Variants in USP9X observed in about 807,000 individuals in gnomAD.
USP9X encodes ubiquitin carboxyl-terminal hydrolase 9X.
A neutral mutation model predicts 190.3 loss-of-function variants in USP9X; 7 were observed. The ratio of observed to expected loss-of-function variants is 0.04; its 90% CI spans 0.02 to 0.07. USP9X has a LOEUF of 0.07. USP9X is among the 10% of genes least tolerant of loss of function. The pLI is 1.00. For missense variants in USP9X, 1,010 were observed against 1,916.9 expected (o/e 0.53, Z 8.83); for synonymous variants, 645 against 659.5 (o/e 0.98, Z 0.34).
chrX:41,099,028 C>T (rs765937951), intron 1 of USP9X, among the ~76,000 whole-genome samples: 2 of 106,720 alleles, frequency 1.9e-5, no homozygotes, highest in East Asian at 2.9e-4. Context: ...CAGGCTCTAG[C>T]GATTCCTCCC....
Position 41,169,882 on chromosome X carries a change from C to T in USP9X, c.2637-113C>T, listed in dbSNP as rs1427019028. ...TGTATTAAGTATCTTTAATTCACATCCTCTTGTTTAATAAGAAAATACTTA... is the reference window on the plus strand; with the variant it reads ...TGTATTAAGTATCTTTAATTCACATTCTCTTGTTTAATAAGAAAATACTTA... On this transcript the variant is annotated intron_variant, in intron 18 of 44. Coordinates refer to ENST00000378308, the MANE Select transcript of USP9X (RefSeq NM_001039591.3). 9.1e-5 allele frequency: 86 copies of T among 942,121 alleles called. No individual in the cohort carries two copies. The South Asian group carries it at 1.8e-3, about 20-fold the overall frequency. 77.6% of individuals were successfully genotyped at this position (942,121 alleles called of 1,213,427 possible).
intron 14 of USP9X, among the ~76,000 whole-genome samples, chrX:41,157,673 A>G (rs1339702521): frequency 1.8e-5 from 2 of 111,733 alleles, no homozygotes; most frequent in Admixed American, 1.9e-4. Context: ...AAGGGAGATC[A>G]GTATTCAGGT....
intron 1 of USP9X, among the ~76,000 whole-genome samples, chrX:41,123,181 G>A (rs1310047843): frequency 1.8e-5 from 2 of 111,646 alleles, no homozygotes; most frequent in African/African-American, 3.3e-5. Context: ...GATAGTTTTT[G>A]CCGTTTCTTA....
intron 16 of USP9X, 156 bp from the exon 17 acceptor site, chrX:41,167,326 T>C (rs2062686262): frequency 2.6e-6 from 1 of 387,457 alleles, no homozygotes; most frequent in Non-Finnish European, 4.5e-6. Flanking sequence ...TCTTTTGGTC[T>C]GTGCTTCTCA....
At chrX:41,167,137 C>T (rs1487449103) in intron 16 of USP9X, 2 of 176,619 alleles carry the variant, frequency 1.1e-5, no homozygotes, top group Admixed American at 1.7e-4. Flanking sequence ...AACTGTGTTT[C>T]ATGTAATCTC....
chrX:41,116,148 G>A (rs770434326), intron 1 of USP9X, among the ~76,000 whole-genome samples: 10 of 112,070 alleles, frequency 8.9e-5, no homozygotes, highest in Admixed American at 1.9e-4. Flanking sequence ...TGTTGTAGAG[G>A]CAATCAAATC....
In USP9X at chrX:41,162,837, A is replaced by G; in HGVS notation, c.1945A>G (p.Ser649Gly). ...AACTGTGAGGCTGGGAAGTAGATAT[A>G]GTCATGTTCAAGAAGTTCAAGAACG... ...PQTVRLGSRY[S>G]HVQEVQERLN... The change falls in exon 15 of 45, where the codon AGT becomes GGT. Residue 649 changes from serine to glycine, a missense_variant. Physicochemically the swap from Ser to Gly is moderately conservative, Grantham distance 56. This residue lies in a region of USP9X where 104 missense variants were observed against 239.8 expected (regional missense o/e 0.43). Transcript: ENST00000378308. 8.3e-7 allele frequency: 1 copy of G among 1,209,630 alleles called. No individual in the cohort carries two copies. The highest frequency in any genetic ancestry group is 1.1e-6 in the Non-Finnish European group (1 of 894,415).
chrX:41,203,917 C>G (rs774473527), intron 31 of USP9X, among the ~76,000 whole-genome samples: 8 of 111,335 alleles, frequency 7.2e-5, no homozygotes, highest in Non-Finnish European at 1.5e-4. Flanking sequence ...AGGCTGGTCT[C>G]GAACTCCTGA....
intron 21 of USP9X, among the ~76,000 whole-genome samples, chrX:41,176,131 C>T (rs2062773077): frequency 9.0e-6 from 1 of 111,095 alleles, no homozygotes; most frequent in Admixed American, 9.6e-5. Context: ...TCAGTTATCT[C>T]CAGACCCCCC....
At chrX:41,122,634 G>A (rs1161646980) in intron 1 of USP9X, among the ~76,000 whole-genome samples, 2 of 112,103 alleles carry the variant, frequency 1.8e-5, no homozygotes, top group African/African-American at 6.5e-5. Flanking sequence ...TGCTGTCCCA[G>A]CATAAGTGTT....
chrX:41,130,893 T>G (rs1278241391), intron 3 of USP9X, among the ~76,000 whole-genome samples: 1 of 110,544 alleles, frequency 9.0e-6, no homozygotes. Context: ...ACCTGGCTAA[T>G]TTTTGTATTT....
chrX:41,151,908 G>A (rs1022781421), intron 13 of USP9X, among the ~76,000 whole-genome samples: 1 of 112,582 alleles, frequency 8.9e-6, no homozygotes, highest in Non-Finnish European at 1.9e-5. Context: ...TTGAGCCCGG[G>A]AGGCAGAGGT....
intron 12 of USP9X, among the ~76,000 whole-genome samples, chrX:41,148,935 A>C (rs759924886): frequency 1.8e-5 from 2 of 112,228 alleles, no homozygotes; most frequent in Non-Finnish European, 3.8e-5. Flanking sequence ...AGTTAAGAAA[A>C]ATTAATAGAA....
chrX:41,219,381 C>G, intron 38 of USP9X, 150 bp downstream of exon 38: 3 of 537,574 alleles, frequency 5.6e-6, no homozygotes, highest in Non-Finnish European at 8.5e-6. Context: ...ATGGCACTTT[C>G]ACCTTTTACT....
intron 1 of USP9X, among the ~76,000 whole-genome samples, chrX:41,121,030 T>C (rs1490710713): frequency 9.5e-6 from 1 of 105,487 alleles, no homozygotes; most frequent in African/African-American, 3.5e-5. Context: ...GTATTTTTAG[T>C]AGAGATGGGG....
At chrX:41,117,570 TTTCTTC>T (rs200874276) in intron 1 of USP9X, among the ~76,000 whole-genome samples, 1 of 104,695 alleles carries the variant, frequency 9.6e-6, no homozygotes, top group African/African-American at 3.6e-5. Context: ...ACCTTTTTTT[TTTCTTC>T]TTCTTTTTTT....
At chrX:41,117,853 C>T (rs2062162264) in intron 1 of USP9X, among the ~76,000 whole-genome samples, 1 of 108,819 alleles carries the variant, frequency 9.2e-6, no homozygotes. Flanking sequence ...GCCACCACGC[C>T]CGGCCCTTTT....
intron 11 of USP9X, among the ~76,000 whole-genome samples, chrX:41,145,459 G>A (rs1910250733): frequency 9.0e-6 from 1 of 111,688 alleles, no homozygotes; most frequent in East Asian, 2.8e-4. Context: ...CTGCTATGTA[G>A]GATAGATAAA....
chrX:41,208,549 C>G, intron 32 of USP9X, among the ~76,000 whole-genome samples: 1 of 111,924 alleles, frequency 8.9e-6, no homozygotes. Flanking sequence ...TGAAAAGTTT[C>G]AAACCTACAG....
Sources: allele counts gnomAD v4.1 joint callset (sites outside exome capture counted in the v4.1 genomes callset), GRCh38; gene constraint gnomAD v4.1.1; regional missense constraint gnomAD v4.1.1; transcripts MANE v1.5; gene names NCBI Gene and HGNC (gene_info 2026-07-23, HGNC 2026-07-21).